The following BCAR3 variants were observed in gnomAD, a reference collection of about 807,000 sequenced individuals.
BCAR3 encodes breast cancer anti-estrogen resistance protein 3.
Under a neutral mutation model 80.1 loss-of-function variants are expected in BCAR3, and 37 were observed. The observed-to-expected ratio is 0.46, with a 90% CI of 0.36 to 0.61. The LOEUF (loss-of-function observed/expected upper bound fraction) is 0.61, where lower values mean the gene tolerates loss of function less well. Among genes scored for constraint, BCAR3 ranks in the 20% least tolerant of loss-of-function variants. BCAR3 has a pLI of 0.00. For missense variants in BCAR3, 978 were observed against 1,068.2 expected (o/e 0.92, Z 1.18); for synonymous variants, 389 against 418.9 (o/e 0.93, Z 0.87).
chr1:93,597,695 T>G (rs1198025135), intron 3 of BCAR3, among the ~76,000 whole-genome samples: 1 of 152,248 alleles, frequency 6.6e-6, no homozygotes, highest in Non-Finnish European at 1.5e-5. Context: ...GCTACTAATC[T>G]GTTTCTATAA....
At chr1:93,587,501 T>C (rs757314374) in intron 5 of BCAR3, among the ~76,000 whole-genome samples, 2 of 152,186 alleles carry the variant, frequency 1.3e-5, no homozygotes, top group South Asian at 4.1e-4. Flanking sequence ...CGCTTGCCCA[T>C]GGTTGAAAAG....
intron 3 of BCAR3, among the ~76,000 whole-genome samples, chr1:93,690,589 A>G (rs1177043332): frequency 3.3e-5 from 5 of 152,224 alleles, no homozygotes; most frequent in African/African-American, 1.2e-4. Flanking sequence ...AAATAAACAA[A>G]TAGCACTGCT....
intron 2 of BCAR3, among the ~76,000 whole-genome samples, chr1:93,784,514 A>G (rs1652876023): frequency 6.6e-6 from 1 of 152,174 alleles, no homozygotes; most frequent in African/African-American, 2.4e-5. Flanking sequence ...TGAAAGAGCT[A>G]AAGAAAAACC....
intron 3 of BCAR3, among the ~76,000 whole-genome samples, chr1:93,700,541 T>C (rs1399174581): frequency 1.3e-5 from 2 of 152,184 alleles, no homozygotes; most frequent in African/African-American, 2.4e-5. Flanking sequence ...GCATCCCCGA[T>C]GGGCTCATAG....
At chr1:93,658,083 G>C (rs1042406063) in intron 2 of BCAR3, among the ~76,000 whole-genome samples, 6 of 152,008 alleles carry the variant, frequency 3.9e-5, no homozygotes, top group Non-Finnish European at 7.4e-5. Context: ...TGGGATTACA[G>C]GTGCCCACCA....
chr1:93,818,995 A>C (rs1326084678), intron 2 of BCAR3, among the ~76,000 whole-genome samples: 1 of 152,210 alleles, frequency 6.6e-6, no homozygotes, highest in African/African-American at 2.4e-5. Flanking sequence ...AAAAGTATCA[A>C]ATGTTTGTTA....
intron 2 of BCAR3, among the ~76,000 whole-genome samples, chr1:93,837,229 A>T (rs1654803521): frequency 6.6e-6 from 1 of 152,224 alleles, no homozygotes; most frequent in Admixed American, 6.5e-5. Context: ...AAAAGTAAAA[A>T]ATAAAAATAA....
At chr1:93,719,160 C>T (rs1650294790) in intron 2 of BCAR3, among the ~76,000 whole-genome samples, 1 of 151,860 alleles carries the variant, frequency 6.6e-6, no homozygotes, top group African/African-American at 2.4e-5. Context: ...AAATAAACCC[C>T]ACTCTCATCT....
upstream of BCAR3, among the ~76,000 whole-genome samples, chr1:93,684,932 G>A (rs184387284): frequency 1.7e-4 from 26 of 152,192 alleles, no homozygotes; most frequent in East Asian, 5.0e-3. Context: ...GGTTCTCCAT[G>A]TTGGCCCAGC....
chr1:93,688,182 T>C (rs531662975), intron 3 of BCAR3, among the ~76,000 whole-genome samples: 29 of 152,352 alleles, frequency 1.9e-4, no homozygotes, highest in Admixed American at 1.8e-3. Flanking sequence ...ACTATCACGT[T>C]GGCCAGAGAA....
At chr1:93,836,840 G>T (rs1293869063) in intron 2 of BCAR3, among the ~76,000 whole-genome samples, 1 of 151,968 alleles carries the variant, frequency 6.6e-6, no homozygotes. Flanking sequence ...TTAACCTTGT[G>T]AAATTCCTTC....
At chr1:93,666,221 C>T (rs959031081) in intron 2 of BCAR3, among the ~76,000 whole-genome samples, 1 of 152,144 alleles carries the variant, frequency 6.6e-6, no homozygotes, top group Non-Finnish European at 1.5e-5. Context: ...TAGACCAGTG[C>T]TAGCCAATAA....
chr1:93,590,717 G>A (rs1271913409), intron 4 of BCAR3, among the ~76,000 whole-genome samples: 1 of 152,188 alleles, frequency 6.6e-6, no homozygotes, highest in Non-Finnish European at 1.5e-5. Context: ...TTTTCACATA[G>A]AAATGCCACT....
chr1:93,567,525 A>G (rs538669779), intron 10 of BCAR3, 34 bp from the exon 11 acceptor site: 4 of 1,604,552 alleles, frequency 2.5e-6, no homozygotes, highest in East Asian at 4.5e-5. Context: ...TCCATATCAC[A>G]TGTTTTCCAA....
chr1:93,602,259 C>A (rs1570958112), intron 3 of BCAR3: 1 of 152,236 alleles, frequency 6.6e-6, no homozygotes, highest in Non-Finnish European at 1.5e-5. Flanking sequence ...GGCCATTGGT[C>A]TAATTTCTAA....
intron 3 of BCAR3, among the ~76,000 whole-genome samples, chr1:93,614,348 G>A (rs755763952): frequency 7.2e-5 from 11 of 151,996 alleles, no homozygotes; most frequent in African/African-American, 1.7e-4. Context: ...TGTACCATGC[G>A]ACCTGCTCCT....
chr1:93,615,004 C>CTTT (rs912095250), intron 3 of BCAR3, among the ~76,000 whole-genome samples: 12 of 121,974 alleles, frequency 9.8e-5, no homozygotes, highest in African/African-American at 3.3e-4. Flanking sequence ...TCAACGAGTT[C>CTTT]TTTTTTTTTT....
chr1:93,755,343 G>A (rs1391740822), intron 2 of BCAR3, among the ~76,000 whole-genome samples: 4 of 152,076 alleles, frequency 2.6e-5, no homozygotes, highest in Non-Finnish European at 5.9e-5. Context: ...AATGTCCTAG[G>A]CCTTCACATT....
intron 2 of BCAR3, among the ~76,000 whole-genome samples, chr1:93,790,634 A>ATTCTT (rs1234204229): frequency 0.019 from 2,003 of 107,164 alleles, 44 homozygotes; most frequent in African/African-American, 0.034. Flanking sequence ...TTTTGTATTC[A>ATTCTT]TTTTTTTTTT....
Sources: gnomAD v4.1 joint callset for allele counts (sites outside exome capture counted in the v4.1 genomes callset) on GRCh38, gnomAD v4.1.1 for gene constraint, MANE v1.5 for transcripts, NCBI Gene and HGNC (gene_info 2026-07-23, HGNC 2026-07-21) for gene names.